The following MAF variants were observed in gnomAD, a reference collection of about 807,000 sequenced individuals.
MAF encodes transcription factor Maf.
Under a neutral mutation model 22.0 loss-of-function variants are expected in MAF, and 10 were observed. The observed-to-expected ratio is 0.45, with a 90% CI of 0.28 to 0.77. MAF has a LOEUF of 0.77. Ranked by LOEUF, MAF falls within the 30% of genes least tolerant of loss-of-function variation. MAF has a pLI of 0.12. For missense variants in MAF, 544 were observed against 548.4 expected, an observed-to-expected ratio of 0.99 and a Z score of 0.08; for synonymous variants, 337 against 255.8, an observed-to-expected ratio of 1.32 and a Z score of -3.03.
At chr16:79,587,217 C>T (rs534580963) in intron 1 of MAF, among the ~76,000 whole-genome samples, 5 of 152,250 alleles carry the variant, frequency 3.3e-5, no homozygotes, top group South Asian at 2.1e-4. Flanking sequence ...TATAGAAATG[C>T]TTTTCAAATC....
chr16:79,210,725 C>T, the MAF span, among the ~76,000 whole-genome samples: 13 of 152,178 alleles, frequency 8.5e-5, no homozygotes, highest in Non-Finnish European at 1.3e-4. Context: ...TTATGGCTTG[C>T]AAAGCAAAGT....
the MAF span, among the ~76,000 whole-genome samples, chr16:79,520,734 G>C: frequency 1.3e-5 from 2 of 152,122 alleles, no homozygotes; most frequent in East Asian, 3.8e-4. Context: ...GGCCACATTA[G>C]TCTACCTGCT....
the MAF span, among the ~76,000 whole-genome samples, chr16:79,480,384 A>C: frequency 6.6e-6 from 1 of 152,168 alleles, no homozygotes; most frequent in Non-Finnish European, 1.5e-5. Context: ...TTTAAAATAA[A>C]AAAAGCCAAT....
chr16:79,334,879 G>GTC, the MAF span, among the ~76,000 whole-genome samples: 1 of 151,780 alleles, frequency 6.6e-6, no homozygotes, highest in Non-Finnish European at 1.5e-5. Context: ...GTGTGTGTGT[G>GTC]TGTGTGTTTA....
chr16:79,212,253 A>ATAAT, the MAF span: 19 of 1,323,954 alleles, frequency 1.4e-5, no homozygotes, highest in Non-Finnish European at 1.9e-5. Flanking sequence ...GATCCAGGAG[A>ATAAT]TAATTGTTTC....
chr16:79,531,251 G>T, the MAF span, among the ~76,000 whole-genome samples: 1 of 152,092 alleles, frequency 6.6e-6, no homozygotes, highest in Non-Finnish European at 1.5e-5. Flanking sequence ...AAAGGCAGTG[G>T]AGTTAAGATG....
At chr16:79,392,956 C>T in the MAF span, among the ~76,000 whole-genome samples, 5 of 152,328 alleles carry the variant, frequency 3.3e-5, no homozygotes, top group East Asian at 1.9e-4. Context: ...TCATTCCATT[C>T]CAGGCCTTGG....
chr16:79,530,900 T>A, the MAF span, among the ~76,000 whole-genome samples: 812 of 152,288 alleles, frequency 5.3e-3, 7 homozygotes, highest in African/African-American at 0.019. Flanking sequence ...CAGAAAGGAC[T>A]CTTGAGCCAG....
Position 79,594,484 on chromosome 16 carries a change from T to G in MAF, c.1188A>C (p.Val396=). Reference sequence around the variant, plus strand: ...TTCATTTTGTGAACACACTGGTAAGTACACGATGCTGGGGCTTCCAAAATG... The same window carrying G: ...TTCATTTTGTGAACACACTGGTAAGGACACGATGCTGGGGCTTCCAAAATG... ...YATFWKPQHR[V]LTSVFTK Residue 396 remains valine (V), a synonymous_variant, in exon 2 of 2, where the codon GTA becomes GTC. Coordinates refer to ENST00000326043, the MANE Select transcript of MAF (RefSeq NM_005360.5). 1.3e-6 allele frequency: 2 copies of G among 1,563,744 alleles called. No homozygotes were observed. Among genetic ancestry groups the G allele is most frequent in the Non-Finnish European group, 1.7e-6 (2 of 1,151,488 alleles).
chr16:79,300,662 A>G, the MAF span, among the ~76,000 whole-genome samples: 2 of 151,958 alleles, frequency 1.3e-5, no homozygotes, highest in African/African-American at 4.8e-5. Context: ...AACCAAATCA[A>G]TTAGAACAAA....
chr16:79,491,451 G>C, the MAF span, among the ~76,000 whole-genome samples: 1 of 152,156 alleles, frequency 6.6e-6, no homozygotes, highest in Admixed American at 6.5e-5. Flanking sequence ...AACAGGCAGA[G>C]AGCCAGCTTC....
chr16:79,535,076 A>T, the MAF span, among the ~76,000 whole-genome samples: 1 of 152,180 alleles, frequency 6.6e-6, no homozygotes, highest in Non-Finnish European at 1.5e-5. Context: ...CTTACTTAGG[A>T]CAAAGTCAAT....
chr16:79,278,538 G>A, the MAF span, among the ~76,000 whole-genome samples: 1 of 152,196 alleles, frequency 6.6e-6, no homozygotes, highest in Non-Finnish European at 1.5e-5. Flanking sequence ...ACAGAACGAA[G>A]AGGCCCTTGA....
the MAF span, among the ~76,000 whole-genome samples, chr16:79,433,247 A>C: frequency 7.0e-6 from 1 of 143,328 alleles, no homozygotes; most frequent in African/African-American, 2.5e-5. Flanking sequence ...AGGGAAATAC[A>C]TAATGTAAGA....
At chr16:79,421,288 G>A in the MAF span, among the ~76,000 whole-genome samples, 1 of 152,202 alleles carries the variant, frequency 6.6e-6, no homozygotes, top group African/African-American at 2.4e-5. Context: ...CTATGGGACT[G>A]ACAAATGTAT....
chr16:79,340,887 G>T, the MAF span, among the ~76,000 whole-genome samples: 2 of 152,236 alleles, frequency 1.3e-5, no homozygotes. Context: ...TAACTAAATT[G>T]CTAAGTGGGT....
the MAF span, among the ~76,000 whole-genome samples, chr16:79,451,590 GAGTTACATGT>G: frequency 6.6e-6 from 1 of 152,180 alleles, no homozygotes; most frequent in African/African-American, 2.4e-5. Context: ...AAATGCAAAT[GAGTTACATGT>G]TCAGGATTAA....
At chr16:79,480,866 C>T in the MAF span, among the ~76,000 whole-genome samples, 1 of 152,098 alleles carries the variant, frequency 6.6e-6, no homozygotes, top group African/African-American at 2.4e-5. Flanking sequence ...TGGATAGGAC[C>T]GTGGGACTGG....
At chr16:79,436,573 T>G in the MAF span, among the ~76,000 whole-genome samples, 1 of 152,112 alleles carries the variant, frequency 6.6e-6, no homozygotes, top group Non-Finnish European at 1.5e-5. Flanking sequence ...CACCAAAGGG[T>G]TATTTATCAT....
Sources: allele counts gnomAD v4.1 joint callset (sites outside exome capture counted in the v4.1 genomes callset), GRCh38; gene constraint gnomAD v4.1.1; transcripts MANE v1.5; gene names NCBI Gene and HGNC (gene_info 2026-07-23, HGNC 2026-07-21).